The following DGKD variants were observed in gnomAD, a reference collection of about 807,000 sequenced individuals.
DGKD encodes diacylglycerol kinase delta, also known as DAG kinase delta.
A neutral mutation model predicts 154.4 loss-of-function variants in DGKD; 68 were observed. That is an observed-to-expected ratio of 0.44 (90% CI 0.36 to 0.54). The LOEUF (loss-of-function observed/expected upper bound fraction) is 0.54. Among genes scored for constraint, DGKD ranks in the 20% least tolerant of loss-of-function variants. The pLI, the probability that DGKD is intolerant of heterozygous loss-of-function variation, is 0.00. For synonymous variants in DGKD, 693 were observed against 638.0 expected (o/e 1.09, Z -1.30); for missense variants, 1,343 against 1,593.6 (o/e 0.84, Z 2.68).
intron 1 of DGKD, among the ~76,000 whole-genome samples, chr2:233,387,946 T>C (rs1447468669): frequency 6.6e-6 from 1 of 152,150 alleles, no homozygotes. Context: ...CCAGCTGCTG[T>C]GTACTGTGGC....
chr2:233,448,648 A>G (rs1351662229), intron 14 of DGKD, among the ~76,000 whole-genome samples: 2 of 152,246 alleles, frequency 1.3e-5, no homozygotes, highest in Non-Finnish European at 1.5e-5. Flanking sequence ...AATACCCCCT[A>G]GAAGTATCCC....
Position 233,446,661 on chromosome 2 carries a change from C to G in DGKD, c.1335-51C>G, listed in dbSNP as rs758492097. On this transcript the variant is annotated intron_variant, in intron 11 of 29. Transcript: ENST00000264057. Reference sequence around the variant, plus strand: ...GAAAGCGGACGGCGCAGGGTTCACCCTTGTGGGCCTGCACGTCTTGCCGCC... The same window carrying G: ...GAAAGCGGACGGCGCAGGGTTCACCGTTGTGGGCCTGCACGTCTTGCCGCC... The G allele has an allele frequency of 5.7e-6, 9 of 1,590,426 alleles. No homozygotes were observed. In the African/African-American group the frequency reaches 1.2e-4, roughly 21 times the overall value.
chr2:233,438,418 A>C lies in DGKD; in HGVS notation c.1085+39A>C, dbSNP rs1467597352. ...AAAATATATCTTTCTTGGAGTTTTA[A>C]AAATTGTGTAGATAGTGTGTGCTTG... On this transcript the variant is annotated intron_variant, in intron 9 of 29. Coordinates refer to ENST00000264057, the MANE Select transcript of DGKD (RefSeq NM_152879.3). This position sits in a 1 kb window ranked among gnomAD's most constrained non-coding sequence, Gnocchi z 4.1. 1 of 1,572,486 alleles carries C rather than the reference A, an allele frequency of 6.4e-7. No homozygotes were observed. The highest frequency in any genetic ancestry group is 2.3e-5 in the East Asian group (1 of 44,250).
Position 233,462,754 on chromosome 2 carries a change from G to T in DGKD, c.3186+19G>T. On this transcript the variant is annotated intron_variant, in intron 26 of 29. Coordinates refer to ENST00000264057, the MANE Select transcript of DGKD (RefSeq NM_152879.3). ...GGCCCTGGTAAGCTGGTGCCCCAGGGACAGCAGGGCTCGGGCTGTGTGTGA... is the reference window on the plus strand; with the variant it reads ...GGCCCTGGTAAGCTGGTGCCCCAGGTACAGCAGGGCTCGGGCTGTGTGTGA... 2 of 1,607,870 alleles carry T rather than the reference G, an allele frequency of 1.2e-6. No homozygotes were observed. The highest frequency in any genetic ancestry group is 1.1e-5 in the South Asian group (1 of 90,994).
intron 16 of DGKD, 148 bp downstream of exon 16, chr2:233,450,279 TC>T (rs2063231126): frequency 2.1e-5 from 22 of 1,051,378 alleles, no homozygotes; most frequent in Non-Finnish European, 2.9e-5. Flanking sequence ...AAGGCCTGTT[TC>T]TGTGCATCTC....
chr2:233,360,195 C>T (rs1701714770), intron 1 of DGKD, among the ~76,000 whole-genome samples: 1 of 152,084 alleles, frequency 6.6e-6, no homozygotes, highest in African/African-American at 2.4e-5. Flanking sequence ...GGCATCTCTA[C>T]CAAATTTGGT....
chr2:233,359,065 T>A (rs1480314941), intron 1 of DGKD, among the ~76,000 whole-genome samples: 3 of 152,246 alleles, frequency 2.0e-5, no homozygotes, highest in African/African-American at 7.2e-5. Context: ...ATCTCTCTTT[T>A]GATACTAGCC....
chr2:233,429,579 A>G (rs889281794), intron 3 of DGKD, among the ~76,000 whole-genome samples: 1 of 152,102 alleles, frequency 6.6e-6, no homozygotes, highest in African/African-American at 2.4e-5. Flanking sequence ...CTGCCTCTCC[A>G]CGCTGTGAGT....
At position 233,362,078 on chromosome 2, in the gene DGKD, G is replaced by A. The variant is rs371648990; in HGVS notation, c.156+7404G>A. On this transcript the variant is annotated intron_variant, in intron 1 of 29. Coordinates refer to ENST00000264057, the MANE Select transcript of DGKD (RefSeq NM_152879.3). ...CTCCCAAAGTGCTGGGATTACATGC[G>A]TGAGCCACCTCACCCAGCCAATAAA... is the stretch of plus-strand genomic sequence containing the variant. 3.4e-3 allele frequency among the ~76,000 whole-genome samples: 514 copies of A among 152,228 alleles called. 1 individual carries two copies. Among genetic ancestry groups the A allele is most frequent in the African/African-American group, 0.012 (478 of 41,526 alleles).
At chr2:233,403,862 G>A (rs1214725394) in intron 3 of DGKD, among the ~76,000 whole-genome samples, 1 of 151,938 alleles carries the variant, frequency 6.6e-6, no homozygotes, top group Admixed American at 6.6e-5. Flanking sequence ...GGCCGGTCTC[G>A]AACTCCTGAC....
rs1385339769 is a variant in DGKD at position 233,369,862 on chromosome 2, T to C, written c.156+15188T>C. On this transcript the variant is annotated intron_variant, in intron 1 of 29. Coordinates refer to ENST00000264057, the MANE Select transcript of DGKD (RefSeq NM_152879.3). ...CTGCTGCCCACTCTGCTGGCTCTGC[T>C]CTTCTGTGTCTGAGGGTAAAGGGTG... 2.0e-5 allele frequency among the ~76,000 whole-genome samples: 3 copies of C among 152,190 alleles called. No homozygotes were observed. The East Asian group carries it at 5.8e-4, about 29-fold the overall frequency.
At chr2:233,443,691 C>T (rs1019626470) in intron 10 of DGKD, among the ~76,000 whole-genome samples, 3 of 152,220 alleles carry the variant, frequency 2.0e-5, no homozygotes, top group Admixed American at 6.5e-5. Context: ...CAGCTCGGGC[C>T]GTGAGGCCAG....
chr2:233,468,672 T>C (rs1258765419), intron 29 of DGKD, 119 bp downstream of exon 29: 1 of 1,494,208 alleles, frequency 6.7e-7, no homozygotes, highest in Non-Finnish European at 9.0e-7. Flanking sequence ...CAGGCTTTCG[T>C]GTATACCTCA....
At chr2:233,367,817 A>G (rs1702102679) in intron 1 of DGKD, among the ~76,000 whole-genome samples, 1 of 147,960 alleles carries the variant, frequency 6.8e-6, no homozygotes, top group Non-Finnish European at 1.5e-5. Flanking sequence ...CTTGGTTTAC[A>G]GATTTCTAGG....
chr2:233,405,628 G>A (rs1387893569), intron 3 of DGKD, among the ~76,000 whole-genome samples: 1 of 152,154 alleles, frequency 6.6e-6, no homozygotes, highest in Non-Finnish European at 1.5e-5. Flanking sequence ...AAAGGGATGA[G>A]TTCATCTCCT....
Position 233,456,923 on chromosome 2 carries a change from G to C in DGKD, c.2400G>C (p.Trp800Cys). Residue 800 changes from tryptophan (W) to cysteine (C), a missense_variant, in exon 20 of 30, where the codon TGG (tryptophan) becomes TGC (cysteine). Trp to Cys is a radical substitution (Grantham distance 215). This residue lies in a region of DGKD where 60 missense variants were observed against 112.4 expected (regional missense o/e 0.53). Coordinates refer to ENST00000264057, the MANE Select transcript of DGKD (RefSeq NM_152879.3). ...KCRSRTKNMM[W>C]YGVLGTKELL... ...GGAGCCGAACCAAGAACATGATGTG[G>C]TATGGAGTTCTTGGAACCAAAGAGT... 6.2e-7 allele frequency: 1 copy of C among 1,614,162 alleles called. No homozygotes were observed. Among genetic ancestry groups the C allele is most frequent in the Non-Finnish European group, 8.5e-7 (1 of 1,179,992 alleles).
At chr2:233,388,036 C>T (rs1213892474) in intron 1 of DGKD, 3 of 1,012,904 alleles carry the variant, frequency 3.0e-6, no homozygotes, top group East Asian at 2.9e-5. Flanking sequence ...CCCCCACCCA[C>T]ACAGGCACAC....
chr2:233,359,487 C>T (rs1461319605), intron 1 of DGKD, among the ~76,000 whole-genome samples: 1 of 106,428 alleles, frequency 9.4e-6, no homozygotes, highest in Non-Finnish European at 1.8e-5. Flanking sequence ...TATTTTTTGT[C>T]TTTCTGATTT....
At chr2:233,395,089 C>G (rs1703919933) in intron 3 of DGKD, among the ~76,000 whole-genome samples, 1 of 152,150 alleles carries the variant, frequency 6.6e-6, no homozygotes, top group South Asian at 2.1e-4. Flanking sequence ...GTGCTTCAGC[C>G]ATTTTCTGCT....
Sources: gnomAD v4.1 joint callset for allele counts (sites outside exome capture counted in the v4.1 genomes callset) on GRCh38, gnomAD v4.1.1 for gene constraint, gnomAD v4.1.1 regional missense constraint, Gnocchi (gnomAD v3.1) non-coding constraint, MANE v1.5 for transcripts, NCBI Gene and HGNC (gene_info 2026-07-23, HGNC 2026-07-21) for gene names.